Variants in CORIN observed in about 807,000 individuals in gnomAD.
CORIN encodes atrial natriuretic peptide-converting enzyme.
CORIN carries 117 observed loss-of-function variants against 125.3 expected under a neutral mutation model. That is an observed-to-expected ratio of 0.93 (90% CI 0.80 to 1.09). The LOEUF (loss-of-function observed/expected upper bound fraction) is 1.09, where lower values mean the gene tolerates loss of function less well. Ranked by LOEUF, CORIN falls within the 50% of genes least tolerant of loss-of-function variation. The pLI, the probability that CORIN is intolerant of heterozygous loss-of-function variation, is 0.00. For missense variants in CORIN, 1,253 were observed against 1,306.7 expected, an observed-to-expected ratio of 0.96 and a Z score of 0.63; for synonymous variants, 450 against 466.4, an observed-to-expected ratio of 0.96 and a Z score of 0.45.
intron 5 of CORIN, among the ~76,000 whole-genome samples, chr4:47,694,695 A>T (rs1420414446): frequency 6.6e-6 from 1 of 152,224 alleles, no homozygotes; most frequent in Non-Finnish European, 1.5e-5. Context: ...TCATGTTCCT[A>T]GGACCCAGCG....
intron 1 of CORIN, among the ~76,000 whole-genome samples, chr4:47,822,751 T>C (rs920419545): frequency 5.3e-5 from 8 of 152,204 alleles, no homozygotes; most frequent in Admixed American, 4.6e-4. Context: ...GCCTCCCCAT[T>C]GTAACATTAT....
At chr4:47,661,910 C>G in intron 11 of CORIN, 54 bp from the exon 12 acceptor site, 4 of 1,508,958 alleles carry the variant, frequency 2.7e-6, no homozygotes, top group Non-Finnish European at 3.6e-6. Context: ...CCATCTGAGA[C>G]AGATGTCATA....
chr4:47,712,110 CAATT>C (rs1726870589), intron 5 of CORIN, among the ~76,000 whole-genome samples: 1 of 152,140 alleles, frequency 6.6e-6, no homozygotes, highest in Non-Finnish European at 1.5e-5. Flanking sequence ...TATATGTTAA[CAATT>C]AAGCATAGCA....
chr4:47,631,016 A>G (rs1050907704), intron 16 of CORIN, among the ~76,000 whole-genome samples: 1 of 152,126 alleles, frequency 6.6e-6, no homozygotes, highest in African/African-American at 2.4e-5. Context: ...GGTGAGCTAG[A>G]GGAGGAGGGC....
intron 3 of CORIN, among the ~76,000 whole-genome samples, chr4:47,783,549 T>C (rs1227854526): frequency 6.6e-6 from 1 of 152,102 alleles, no homozygotes; most frequent in East Asian, 1.9e-4. Flanking sequence ...TTGGGTAGAA[T>C]AGAATGAATG....
intron 3 of CORIN, 140 bp from the exon 4 acceptor site, chr4:47,763,726 TGTAA>T: frequency 1.6e-6 from 1 of 643,130 alleles, no homozygotes; most frequent in Non-Finnish European, 2.7e-6. Context: ...CATAGGTGCA[TGTAA>T]GTATGTGTAT....
intron 6 of CORIN, among the ~76,000 whole-genome samples, chr4:47,685,309 T>C (rs983655931): frequency 6.6e-6 from 1 of 152,214 alleles, no homozygotes; most frequent in Non-Finnish European, 1.5e-5. Context: ...GTAATACTCA[T>C]GCAGTGAAAT....
chr4:47,799,905 T>C (rs1434748887), intron 2 of CORIN, among the ~76,000 whole-genome samples: 3 of 152,204 alleles, frequency 2.0e-5, no homozygotes, highest in Non-Finnish European at 4.4e-5. Flanking sequence ...CAATGAAATA[T>C]TGTTCAGCCA....
At chr4:47,771,709 A>C (rs2109887295) in intron 3 of CORIN, among the ~76,000 whole-genome samples, 1 of 152,248 alleles carries the variant, frequency 6.6e-6, no homozygotes, top group African/African-American at 2.4e-5. Flanking sequence ...TTTTCTATTC[A>C]GGTCTTAACT....
chr4:47,750,864 T>C (rs1728869432), intron 4 of CORIN, among the ~76,000 whole-genome samples: 1 of 152,094 alleles, frequency 6.6e-6, no homozygotes, highest in Non-Finnish European at 1.5e-5. Flanking sequence ...GGAAAGTAGA[T>C]ATGGAGAAGT....
chr4:47,704,142 A>G (rs1726439957), intron 5 of CORIN, among the ~76,000 whole-genome samples: 1 of 152,176 alleles, frequency 6.6e-6, no homozygotes, highest in South Asian at 2.1e-4. Flanking sequence ...CTTTCACAGC[A>G]CACTACATAA....
intron 19 of CORIN, among the ~76,000 whole-genome samples, chr4:47,620,707 G>GT (rs909923344): frequency 2.0e-5 from 3 of 152,344 alleles, no homozygotes; most frequent in African/African-American, 7.2e-5. Flanking sequence ...TAAAAGAAAA[G>GT]TTTACCTTTC....
chr4:47,600,145 A>G, intron 21 of CORIN, 69 bp downstream of exon 21: 1 of 1,375,070 alleles, frequency 7.3e-7, no homozygotes, highest in Non-Finnish European at 9.9e-7. Context: ...ATACGTAATA[A>G]TGAGTTTATA....
intron 4 of CORIN, among the ~76,000 whole-genome samples, chr4:47,761,206 G>A (rs1447194298): frequency 1.3e-5 from 2 of 152,154 alleles, no homozygotes. Context: ...GGGTGCAAGA[G>A]GCCTAGCTTT....
At chr4:47,629,905 C>G (rs1722738566) in intron 16 of CORIN, among the ~76,000 whole-genome samples, 1 of 152,024 alleles carries the variant, frequency 6.6e-6, no homozygotes. Context: ...AAACAAGTAA[C>G]ATGCCCAAGG....
At chr4:47,670,780 C>G (rs138119606) in intron 10 of CORIN, among the ~76,000 whole-genome samples, 3 of 152,176 alleles carry the variant, frequency 2.0e-5, no homozygotes, top group Non-Finnish European at 4.4e-5. Context: ...TCCCTCCACA[C>G]CGGAATGAGG....
At chr4:47,819,420 T>G (rs1466190300) in intron 1 of CORIN, among the ~76,000 whole-genome samples, 1 of 151,948 alleles carries the variant, frequency 6.6e-6, no homozygotes, top group Non-Finnish European at 1.5e-5. Flanking sequence ...AATGACTAAA[T>G]TAAGAAGGAA....
intron 20 of CORIN, among the ~76,000 whole-genome samples, chr4:47,601,509 A>AT (rs35003163): frequency 1.1e-4 from 16 of 149,020 alleles, no homozygotes; most frequent in South Asian, 4.3e-4. Context: ...TGCCAAGCTA[A>AT]TTTTTTTTTT....
chr4:47,692,379 G>C (rs1004657552), intron 6 of CORIN, among the ~76,000 whole-genome samples: 2 of 152,016 alleles, frequency 1.3e-5, no homozygotes, highest in Non-Finnish European at 2.9e-5. Flanking sequence ...TTTCCAGTTT[G>C]TAAGTGCAAA....
Sources: gnomAD v4.1 joint callset for allele counts (sites outside exome capture counted in the v4.1 genomes callset) on GRCh38, gnomAD v4.1.1 for gene constraint, MANE v1.5 for transcripts, NCBI Gene and HGNC (gene_info 2026-07-23, HGNC 2026-07-21) for gene names.